Variants in WHRN observed in about 807,000 individuals in gnomAD.
WHRN encodes the protein CASK-interacting protein CIP98.
A neutral mutation model predicts 68.3 loss-of-function variants in WHRN; 41 were observed. The ratio of observed to expected loss-of-function variants is 0.60; its 90% confidence interval spans 0.47 to 0.78. WHRN has a LOEUF of 0.78. Ranked by LOEUF, WHRN falls within the 30% of genes least tolerant of loss-of-function variation. The pLI, the probability that WHRN is intolerant of heterozygous loss-of-function variation, is 0.00. For synonymous variants in WHRN, 560 were observed against 561.3 expected, an observed-to-expected ratio of 1.00 and a Z score of 0.03; for missense variants, 1,243 against 1,244.7, an observed-to-expected ratio of 1.00 and a Z score of 0.02.
chr9:114,475,273 T>G (rs7847963), intron 2 of WHRN, among the ~76,000 whole-genome samples: 9,276 of 152,110 alleles, frequency 0.061, 956 homozygotes, highest in African/African-American at 0.21. Context: ...CCATGACAAA[T>G]TGATTCTAGT....
chr9:114,438,652 C>CT (rs1838091139), intron 3 of WHRN, among the ~76,000 whole-genome samples: 1 of 151,998 alleles, frequency 6.6e-6, no homozygotes, highest in Non-Finnish European at 1.5e-5. Flanking sequence ...TGGGGTTTCA[C>CT]CTGTTAGCCA....
At chr9:114,416,170 C>T (rs992453596) in intron 7 of WHRN, among the ~76,000 whole-genome samples, 4 of 152,180 alleles carry the variant, frequency 2.6e-5, no homozygotes, top group Admixed American at 1.3e-4. Flanking sequence ...GGGCTGGGAG[C>T]CTCCTTCCAG....
intron 3 of WHRN, among the ~76,000 whole-genome samples, chr9:114,454,817 TA>T (rs2132763434): frequency 6.6e-6 from 1 of 152,246 alleles, no homozygotes; most frequent in Non-Finnish European, 1.5e-5. Flanking sequence ...AGACTTACTG[TA>T]AAGCTACAGT....
At chr9:114,493,343 C>T (rs1843150451) in intron 1 of WHRN, among the ~76,000 whole-genome samples, 1 of 106,308 alleles carries the variant, frequency 9.4e-6, no homozygotes, top group South Asian at 3.3e-4. Context: ...AGAATAAGAC[C>T]CTATCTTTTT....
chr9:114,460,854 T>C (rs909148532), intron 3 of WHRN, among the ~76,000 whole-genome samples: 7 of 152,258 alleles, frequency 4.6e-5, no homozygotes, highest in African/African-American at 1.7e-4. Context: ...AACCTTTTCT[T>C]GGCTCCACTG....
chr9:114,437,309 A>G (rs1163014800), intron 3 of WHRN, among the ~76,000 whole-genome samples: 1 of 152,236 alleles, frequency 6.6e-6, no homozygotes. Flanking sequence ...TTAAGAGAAA[A>G]AATAGATAAG....
At chr9:114,421,041 C>T (rs369428906) in intron 7 of WHRN, among the ~76,000 whole-genome samples, 2 of 152,218 alleles carry the variant, frequency 1.3e-5, no homozygotes, top group African/African-American at 4.8e-5. Context: ...ACCTGGTGGG[C>T]CATGGACTTT....
chr9:114,468,388 T>C (rs1161955891), intron 2 of WHRN, among the ~76,000 whole-genome samples: 4 of 152,158 alleles, frequency 2.6e-5, no homozygotes, highest in Non-Finnish European at 4.4e-5. Context: ...TCTGGAACTC[T>C]GAACTCTTTA....
chr9:114,450,150 G>A (rs762579646), intron 3 of WHRN, among the ~76,000 whole-genome samples: 1 of 152,120 alleles, frequency 6.6e-6, no homozygotes, highest in African/African-American at 2.4e-5. Context: ...GGGCTGGTGG[G>A]GAGGCAAAGC....
At chr9:114,472,359 GCTC>G (rs1043108742) in intron 2 of WHRN, among the ~76,000 whole-genome samples, 19 of 152,202 alleles carry the variant, frequency 1.2e-4, no homozygotes, top group Non-Finnish European at 2.5e-4. Context: ...TCTTGCTGCT[GCTC>G]CTCAAGAGGC....
rs200422759 is a variant in WHRN, at chr9:114,403,284, G to A, written c.2474C>T (p.Thr825Ile). 6.2e-7 allele frequency: 1 copy of A among 1,614,178 alleles called. No homozygotes were observed. The highest frequency in any genetic ancestry group is 1.1e-5 in the South Asian group (1 of 91,090). ...GCCACCCTCGATGGCGATGCCCAGG[G>A]TGGCCGCACTTTTCTTCACACGGAC... Reference protein sequence around the residue: ...TLVRVKKSAATLGIAIEGGAN... With the variant: ...TLVRVKKSAAILGIAIEGGAN... The change falls in exon 11 of 12, where the codon ACC becomes ATC. Residue 825 changes from threonine (T) to isoleucine (I), a missense_variant. Coordinates refer to ENST00000362057, the MANE Select transcript of WHRN (RefSeq NM_015404.4).
intron 1 of WHRN, among the ~76,000 whole-genome samples, chr9:114,493,130 G>A (rs1273802071): frequency 1.3e-5 from 2 of 152,002 alleles, no homozygotes; most frequent in African/African-American, 4.8e-5. Flanking sequence ...TAGGAGAATC[G>A]CTTGAGCCCA....
intron 1 of WHRN, among the ~76,000 whole-genome samples, chr9:114,487,621 G>A (rs1197805568): frequency 2.0e-5 from 3 of 152,058 alleles, no homozygotes; most frequent in African/African-American, 7.3e-5. Context: ...GTGCCATCTT[G>A]GGGCATTCAT....
chr9:114,481,992 G>A (rs947633396), intron 1 of WHRN, among the ~76,000 whole-genome samples: 3 of 151,792 alleles, frequency 2.0e-5, no homozygotes, highest in East Asian at 1.9e-4. Flanking sequence ...ACAAGGCATC[G>A]TGTGGCACAC....
chr9:114,406,222 C>T, intron 9 of WHRN, 133 bp downstream of exon 9: 1 of 1,283,358 alleles, frequency 7.8e-7, no homozygotes, highest in Non-Finnish European at 1.1e-6. Context: ...GGGTCTCCAA[C>T]TCCCTTCGCC....
intron 3 of WHRN, among the ~76,000 whole-genome samples, chr9:114,451,984 T>TG: frequency 6.6e-6 from 1 of 152,344 alleles, no homozygotes; most frequent in Middle Eastern, 3.4e-3. Flanking sequence ...CTAAGCACCA[T>TG]GGTGGGACAG....
Position 114,403,075 on chromosome 9 carries a change from G to T in WHRN, c.2542-139C>A. 3 of 1,530,210 alleles carry T rather than the reference G, an allele frequency of 2.0e-6. No homozygotes were observed. In the South Asian group the frequency reaches 3.4e-5, roughly 17 times the overall value. 94.8% of individuals were successfully genotyped at this position (1,530,210 alleles called of 1,614,324 possible). Reference sequence around the variant, plus strand: ...CACTTCTCGGATTAGGAAAGCTGAGGCCCGGAAGAGCAAAGGTGACATAAG... The same window carrying T: ...CACTTCTCGGATTAGGAAAGCTGAGTCCCGGAAGAGCAAAGGTGACATAAG... On this transcript the variant is annotated intron_variant, in intron 11 of 11. Coordinates refer to ENST00000362057, the MANE Select transcript of WHRN (RefSeq NM_015404.4).
At position 114,406,337 on chromosome 9, in the gene WHRN, T is replaced by C. The variant is rs752298678; in HGVS notation, c.2236+18A>G. The C allele has an allele frequency of 1.9e-6, 3 of 1,613,828 alleles. No individual in the cohort carries two copies. Among genetic ancestry groups the C allele is most frequent in the Non-Finnish European group, 8.5e-7 (1 of 1,180,006 alleles). On this transcript the variant is annotated intron_variant, in intron 9 of 11. Coordinates refer to ENST00000362057, the MANE Select transcript of WHRN (RefSeq NM_015404.4). ...AGGGACCCCCAAGGACCACAGAGCC[T>C]GGCCTTGCTGTACTCACTGCGCGTC...
intron 10 of WHRN, 69 bp from the exon 11 acceptor site, chr9:114,403,408 G>A: frequency 6.2e-7 from 1 of 1,606,356 alleles, no homozygotes; most frequent in Non-Finnish European, 8.5e-7. Flanking sequence ...GGCTGGGCCG[G>A]GCCGTGACAC....
Sources: gnomAD v4.1 joint callset for allele counts (sites outside exome capture counted in the v4.1 genomes callset) on GRCh38, gnomAD v4.1.1 for gene constraint, MANE v1.5 for transcripts, NCBI Gene and HGNC (gene_info 2026-07-23, HGNC 2026-07-21) for gene names.